UGT3A1: variants seen among roughly 807,000 people sequenced by gnomAD.
UGT3A1 encodes the protein UDP glycosyltransferase family 3 member A1, also known as UDP-glycosyltransferase 3A1.
UGT3A1 carries 40 observed loss-of-function variants against 37.6 expected under a neutral mutation model. That is an observed-to-expected ratio of 1.06 (90% CI 0.83 to 1.38). The LOEUF is 1.38. Ranked by LOEUF, UGT3A1 falls within the 40% of genes most tolerant of loss-of-function variation. UGT3A1 has a pLI of 0.00. For missense variants in UGT3A1, 642 were observed against 634.2 expected (o/e 1.01, Z -0.13); for synonymous variants, 256 against 232.3 (o/e 1.10, Z -0.93).
chr5:35,957,337 G>A lies in UGT3A1; in HGVS notation c.926C>T (p.Ser309Phe), dbSNP rs1247117380. ...AFGSMLNTHQ[S>F]QEVLKKMHNA... is the part of the protein sequence containing the mutation. ...GTGCATCTTCTTGAGGACTTCCTGG[G>A]ACTGATGGGTGTTCAACATGGAGCC... The change falls in exon 5 of 7, where the codon TCC (serine) becomes TTC (phenylalanine). Residue 309 changes from serine (S) to phenylalanine (F), a missense_variant. By Grantham distance (155) the Ser-to-Phe change is radical. Transcript: ENST00000274278. The A allele has an allele frequency of 6.2e-7, 1 of 1,614,174 alleles. No homozygotes were observed.
At chr5:35,968,160 G>T in intron 2 of UGT3A1, 27 bp from the exon 3 acceptor site, 2 of 1,388,022 alleles carry the variant, frequency 1.4e-6, no homozygotes, top group South Asian at 1.2e-5. Flanking sequence ...TGGTTAAAAA[G>T]GTAAATATAT....
chr5:35,998,158 TCTAACTGATGCCTCAG>T (rs199624277), intron 1 of UGT3A1, among the ~76,000 whole-genome samples: 1,702 of 152,296 alleles, frequency 0.011, 24 homozygotes, highest in Non-Finnish European at 0.015. Context: ...TAAAGGAAAT[TCTAACTGATGCCTCAG>T]CTTTAGAAAA....
chr5:35,965,380 A>G lies in UGT3A1; in HGVS notation c.843+6T>C. ...ATCCCAAACTGAATGCTGAGGGTTC[A>G]CTTACTTGTGGTACTGGTTTAATAG... On this transcript the variant is annotated splice_donor_region_variant and intron_variant, in intron 4 of 6. Transcript: ENST00000274278. 1.2e-6 allele frequency: 2 copies of G among 1,611,926 alleles called. No individual in the cohort carries two copies. The highest frequency in any genetic ancestry group is 2.2e-5 in the South Asian group (2 of 90,924).
At chr5:35,959,776 T>C (rs1447819602) in intron 4 of UGT3A1, among the ~76,000 whole-genome samples, 2 of 152,138 alleles carry the variant, frequency 1.3e-5, no homozygotes, top group South Asian at 2.1e-4. Flanking sequence ...ATTCTATATA[T>C]GTAAAACTTT....
chr5:35,982,883 C>A (rs1019523226), intron 2 of UGT3A1, among the ~76,000 whole-genome samples: 1 of 152,176 alleles, frequency 6.6e-6, no homozygotes, highest in Non-Finnish European at 1.5e-5. Flanking sequence ...TTTCCCCTTG[C>A]TCTTCTTTTG....
At chr5:35,996,311 TG>T (rs1741094999), upstream of UGT3A1, among the ~76,000 whole-genome samples, 1 of 152,116 alleles carries the variant, frequency 6.6e-6, no homozygotes, top group Non-Finnish European at 1.5e-5. Flanking sequence ...ACAAACAAAT[TG>T]GGAGAGATTC....
intron 2 of UGT3A1, among the ~76,000 whole-genome samples, chr5:35,976,948 GAGAA>G (rs889932702): frequency 1.9e-4 from 27 of 145,656 alleles, no homozygotes; most frequent in East Asian, 4.1e-4. Context: ...GAAAAAGAGA[GAGAA>G]AGAAAGAAAG....
At chr5:35,990,548 A>G (rs958267135) in intron 1 of UGT3A1, among the ~76,000 whole-genome samples, 4 of 152,184 alleles carry the variant, frequency 2.6e-5, no homozygotes, top group African/African-American at 9.7e-5. Flanking sequence ...AGGAGGCTCC[A>G]AAAGATCCGA....
chr5:35,977,714 C>T (rs1175673071), intron 2 of UGT3A1, among the ~76,000 whole-genome samples: 1 of 152,220 alleles, frequency 6.6e-6, no homozygotes, highest in Non-Finnish European at 1.5e-5. Context: ...ATAAATTATG[C>T]TGCCTCAGGC....
chr5:35,995,909 TAAAC>T (rs1228149733), upstream of UGT3A1, among the ~76,000 whole-genome samples: 4 of 151,898 alleles, frequency 2.6e-5, no homozygotes, highest in East Asian at 3.9e-4. Flanking sequence ...GCAAATTTCT[TAAAC>T]AGACTAGATG....
intron 2 of UGT3A1, among the ~76,000 whole-genome samples, chr5:35,983,527 T>C (rs1024958714): frequency 2.0e-5 from 3 of 152,122 alleles, no homozygotes; most frequent in Non-Finnish European, 4.4e-5. Context: ...GATCAGGGGC[T>C]ATTTTCAAAC....
chr5:35,968,153 T>G lies in UGT3A1; in HGVS notation c.197-20A>C. The G allele has an allele frequency of 6.8e-7, 1 of 1,477,622 alleles. No individual in the cohort carries two copies. The highest frequency in any genetic ancestry group is 9.4e-7 in the Non-Finnish European group (1 of 1,060,896). 91.5% of individuals were successfully genotyped at this position (1,477,622 alleles called of 1,614,324 possible). On this transcript the variant is annotated intron_variant, in intron 2 of 6. Coordinates refer to ENST00000274278, the MANE Select transcript of UGT3A1 (RefSeq NM_152404.4). ...TAATATCTAAGAAAACACCAATTGG[T>G]TAAAAAGGTAAATATATCATACAAC...
chr5:35,965,943 A>T lies in UGT3A1; in HGVS notation c.312-26T>A. The T allele has an allele frequency of 2.1e-6, 3 of 1,455,334 alleles. No homozygotes were observed. In the African/African-American group the frequency reaches 4.3e-5, roughly 21 times the overall value. 90.2% of individuals were successfully genotyped at this position (1,455,334 alleles called of 1,614,324 possible). ...CTGTAATAAAGAAAATAAATAATAA[A>T]TATTTGGGAAAGTGTAATTTTACAG... On this transcript the variant is annotated intron_variant, in intron 3 of 6. Transcript: ENST00000274278.
intron 2 of UGT3A1, among the ~76,000 whole-genome samples, chr5:35,996,633 T>C (rs1383960094): frequency 6.6e-6 from 1 of 152,168 alleles, no homozygotes; most frequent in Non-Finnish European, 1.5e-5. Flanking sequence ...TGCCCATATC[T>C]CTTTTTCATC....
intron 4 of UGT3A1, among the ~76,000 whole-genome samples, chr5:35,959,283 C>T (rs1371987835): frequency 6.6e-6 from 1 of 152,096 alleles, no homozygotes; most frequent in Non-Finnish European, 1.5e-5. Context: ...AACAAAAGAT[C>T]ACAAGGCATA....
intron 4 of UGT3A1, chr5:35,961,252 G>T (rs1276985536): frequency 6.6e-6 from 1 of 152,222 alleles, no homozygotes. Flanking sequence ...AATTTCTGCT[G>T]ACAGGTGGCA....
intron 2 of UGT3A1, among the ~76,000 whole-genome samples, chr5:35,970,784 A>G (rs1740004740): frequency 6.6e-6 from 1 of 152,206 alleles, no homozygotes. Flanking sequence ...TGAAAGATCT[A>G]TTTAGAAAAG....
upstream of UGT3A1, chr5:35,991,395 G>C (rs1740948444): frequency 3.4e-6 from 5 of 1,464,330 alleles, no homozygotes; most frequent in South Asian, 1.5e-5. Flanking sequence ...CCTTCTGTTC[G>C]TTCTCTTTCC....
At position 35,965,553 on chromosome 5, in the gene UGT3A1, T is replaced by C. The variant is rs1400010475; in HGVS notation, c.676A>G (p.Lys226Glu). 6.2e-7 allele frequency: 1 copy of C among 1,614,190 alleles called. No homozygotes were observed. The highest frequency in any genetic ancestry group is 1.1e-5 in the South Asian group (1 of 91,084). ...DMQSTFDNTI[K>E]EHFPEGSRPV... ...CTAGAGCCTTCTGGGAAATGCTCCTTGATGGTGTTGTCAAATGTAGACTGC... is the reference window on the plus strand; with the variant it reads ...CTAGAGCCTTCTGGGAAATGCTCCTCGATGGTGTTGTCAAATGTAGACTGC... Residue 226 changes from lysine to glutamate, a missense_variant, in exon 4 of 7, where the codon AAG becomes GAG. Transcript: ENST00000274278.
Sources: gnomAD v4.1 joint callset for allele counts (sites outside exome capture counted in the v4.1 genomes callset) on GRCh38, gnomAD v4.1.1 for gene constraint, MANE v1.5 for transcripts, NCBI Gene and HGNC (gene_info 2026-07-23, HGNC 2026-07-21) for gene names.